Variants in VPS13B observed in about 807,000 individuals in gnomAD.
VPS13B encodes the protein vacuolar protein sorting 13 homolog B.
Under a neutral mutation model 426.4 loss-of-function variants are expected in VPS13B, and 285 were observed. The ratio of observed to expected loss-of-function variants is 0.67; its 90% confidence interval spans 0.61 to 0.74. The LOEUF is 0.74. Ranked by LOEUF, VPS13B falls within the 30% of genes least tolerant of loss-of-function variation. VPS13B has a pLI of 0.00. For synonymous variants in VPS13B, 1,676 were observed against 1,676.4 expected (o/e 1.00, Z 0.01); for missense variants, 4,537 against 4,782.6 (o/e 0.95, Z 1.51).
At chr8:99,554,967 A>G (rs537900565) in intron 30 of VPS13B, among the ~76,000 whole-genome samples, 1 of 152,254 alleles carries the variant, frequency 6.6e-6, no homozygotes, top group South Asian at 2.1e-4. Flanking sequence ...AGAAAGGAGA[A>G]AACACAGATC....
intron 54 of VPS13B, among the ~76,000 whole-genome samples, chr8:99,841,912 A>G (rs555754487): frequency 2.0e-5 from 3 of 152,160 alleles, no homozygotes; most frequent in East Asian, 3.9e-4. Context: ...AATGATTCCT[A>G]AGACACAGAC....
chr8:99,588,240 G>T (rs571898265), intron 33 of VPS13B, among the ~76,000 whole-genome samples: 9 of 151,888 alleles, frequency 5.9e-5, no homozygotes, highest in African/African-American at 2.2e-4. Context: ...ATAGTTTGAA[G>T]TCAGGTAGCA....
At chr8:99,264,790 T>G (rs4133425) in intron 17 of VPS13B, among the ~76,000 whole-genome samples, 125,542 of 151,976 alleles carry the variant, frequency 0.83, 52,378 homozygotes, top group South Asian at 0.89. Context: ...TCTACAGTTT[T>G]GGAAATGCTC....
chr8:99,141,984 C>T (rs1050321347), intron 12 of VPS13B, among the ~76,000 whole-genome samples: 2 of 151,502 alleles, frequency 1.3e-5, no homozygotes, highest in African/African-American at 4.9e-5. Flanking sequence ...ACCCAGGAGG[C>T]GGAGCTTTCA....
intron 28 of VPS13B, among the ~76,000 whole-genome samples, chr8:99,509,201 T>C (rs1055822230): frequency 6.6e-6 from 1 of 152,194 alleles, no homozygotes; most frequent in Non-Finnish European, 1.5e-5. Context: ...CTGTTATTGC[T>C]CATTGTCCAG....
intron 51 of VPS13B, among the ~76,000 whole-genome samples, chr8:99,829,673 G>A (rs909742466): frequency 6.6e-6 from 1 of 152,202 alleles, no homozygotes; most frequent in African/African-American, 2.4e-5. Context: ...AGGAGAAGAG[G>A]CATTCTGGTT....
chr8:99,566,034 G>GT (rs1168974538), intron 31 of VPS13B, among the ~76,000 whole-genome samples: 11 of 152,292 alleles, frequency 7.2e-5, no homozygotes, highest in South Asian at 6.2e-4. Flanking sequence ...TGGAAAGTGA[G>GT]TGGGAAGGCA....
rs781269212 is a variant in VPS13B, at chr8:99,875,487, T to G, written c.11815T>G (p.Ser3939Ala). The change falls in exon 62 of 62, where the codon TCT (serine) becomes GCT (alanine). Residue 3939 changes from serine (S) to alanine (A), a missense_variant. Coordinates refer to ENST00000357162, the MANE Select transcript of VPS13B (RefSeq NM_152564.5). ...NRLVDYITKTSCHLAPSCSSM... is the reference protein window; with the variant it reads ...NRLVDYITKTACHLAPSCSSM... Reference sequence around the variant, plus strand: ...ACTGGTGGACTACATCACAAAGACATCTTGTCACCTGGCCCCCAGCTGTTC... The same window carrying G: ...ACTGGTGGACTACATCACAAAGACAGCTTGTCACCTGGCCCCCAGCTGTTC... The G allele has an allele frequency of 1.9e-6, 3 of 1,614,122 alleles. No individual in the cohort carries two copies. The highest frequency in any genetic ancestry group is 2.7e-5 in the African/African-American group (2 of 75,018).
At position 99,421,204 on chromosome 8, in the gene VPS13B, A is replaced by G. The variant is rs1000038953; in HGVS notation, c.3083-10333A>G. Among the ~76,000 whole-genome samples the G allele has an allele frequency of 6.6e-5, 10 of 152,288 alleles. No individual in the cohort carries two copies. In the East Asian group the frequency reaches 9.7e-4, roughly 15 times the overall value. On this transcript the variant is annotated intron_variant, in intron 21 of 61. Transcript: ENST00000357162. The stretch of plus-strand genomic sequence containing the variant: ...AAGGAATCATATTGTACCAAGTTGA[A>G]TGGTTCATCCCCAAGATATAATTGT...
At chr8:99,395,815 TA>T (rs1814698215) in intron 21 of VPS13B, among the ~76,000 whole-genome samples, 1 of 152,182 alleles carries the variant, frequency 6.6e-6, no homozygotes, top group Non-Finnish European at 1.5e-5. Context: ...GCAGGTATAT[TA>T]AATACCTATA....
rs141328498 is a variant in VPS13B, at chr8:99,019,793, T to C, written c.147+5858T>C. ...TTAGCACAATGTCTCAAAAAGCTTA[T>C]CTATGTTGTAGCATATGCCACTATG... On this transcript the variant is annotated intron_variant, in intron 2 of 61. Coordinates refer to ENST00000357162, the MANE Select transcript of VPS13B (RefSeq NM_152564.5). Among the ~76,000 whole-genome samples the C allele has an allele frequency of 4.3e-4, 66 of 152,362 alleles. 1 individual carries two copies. The highest frequency in any genetic ancestry group is 3.7e-3 in the Admixed American group (57 of 15,302).
intron 40 of VPS13B, among the ~76,000 whole-genome samples, chr8:99,773,262 T>C (rs531015152): frequency 3.3e-5 from 5 of 152,348 alleles, no homozygotes; most frequent in Admixed American, 1.3e-4. Flanking sequence ...TACATTATTC[T>C]AGGTTCTCCT....
In VPS13B at chr8:99,641,848, A is replaced by AT. The variant is rs786204533; in HGVS notation, c.5259dup (p.Gly1754TrpfsTer5). The AT allele has an allele frequency of 9.9e-6, 16 of 1,613,078 alleles. No individual in the cohort carries two copies. The highest frequency in any genetic ancestry group is 1.4e-5 in the Non-Finnish European group (16 of 1,179,470). On this transcript the variant is annotated frameshift_variant, in exon 34 of 62. Transcript: ENST00000357162. LOFTEE classifies it high-confidence loss of function. ...GAACAGAAAAAAGTGGATATATTTGATGGAGGCATGGCTGAAACCTCATCT... is the reference window on the plus strand; with the variant it reads ...GAACAGAAAAAAGTGGATATATTTGATTGGAGGCATGGCTGAAACCTCATCT...
intron 3 of VPS13B, among the ~76,000 whole-genome samples, chr8:99,079,342 C>T (rs1845315903): frequency 6.6e-6 from 1 of 152,048 alleles, no homozygotes; most frequent in South Asian, 2.1e-4. Context: ...ATTCCCAGGC[C>T]TCCAGATGAC....
intron 35 of VPS13B, chr8:99,696,726 A>C: frequency 1.0e-6 from 1 of 985,906 alleles, no homozygotes; most frequent in Non-Finnish European, 1.6e-6. Context: ...CCGTTTTCCC[A>C]GAAGATCCGG....
intron 14 of VPS13B, among the ~76,000 whole-genome samples, chr8:99,149,067 G>A (rs1460936669): frequency 6.6e-6 from 1 of 152,206 alleles, no homozygotes. Flanking sequence ...GTCTGCTGTG[G>A]TTGAGTATTG....
intron 30 of VPS13B, among the ~76,000 whole-genome samples, chr8:99,526,335 A>G (rs1464591150): frequency 6.6e-6 from 1 of 152,198 alleles, no homozygotes; most frequent in Admixed American, 6.5e-5. Context: ...TCAAATGGAA[A>G]GGCCTCAGAG....
At position 99,275,077 on chromosome 8, in the gene VPS13B, T is replaced by G; in HGVS notation, c.2651-4T>G. On this transcript the variant is annotated splice_region_variant and splice_polypyrimidine_tract_variant and intron_variant, in intron 18 of 61. Transcript: ENST00000357162. ...ATTATTGTTTTATAAATATTTCTTT[T>G]CAGTTGATAGTGGAAAAGAGAAGTT... 1.3e-6 allele frequency: 2 copies of G among 1,597,064 alleles called. No individual in the cohort carries two copies.
At chr8:99,370,921 T>C (rs1173179219) in intron 19 of VPS13B, among the ~76,000 whole-genome samples, 1 of 152,148 alleles carries the variant, frequency 6.6e-6, no homozygotes, top group Non-Finnish European at 1.5e-5. Flanking sequence ...TAAGTTTTTA[T>C]TATAAAAGTA....
Sources: gnomAD v4.1 joint callset for allele counts (sites outside exome capture counted in the v4.1 genomes callset) on GRCh38, gnomAD v4.1.1 for gene constraint, MANE v1.5 for transcripts, NCBI Gene and HGNC (gene_info 2026-07-23, HGNC 2026-07-21) for gene names.